Variants in CTNNA2 observed in about 807,000 individuals in gnomAD.
CTNNA2 encodes the protein catenin alpha 2, also known as catenin alpha-2.
A neutral mutation model predicts 101.0 loss-of-function variants in CTNNA2; 42 were observed. The ratio of observed to expected loss-of-function variants is 0.42; its 90% CI spans 0.32 to 0.54. The LOEUF (loss-of-function observed/expected upper bound fraction) is 0.54. Among genes scored for constraint, CTNNA2 ranks in the 20% least tolerant of loss-of-function variants. The pLI is 0.14. For missense variants in CTNNA2, 871 were observed against 1,223.1 expected, an observed-to-expected ratio of 0.71 and a Z score of 4.29; for synonymous variants, 450 against 456.4, an observed-to-expected ratio of 0.99 and a Z score of 0.18.
chr2:79,977,426 C>T (rs553404341), intron 7 of CTNNA2, among the ~76,000 whole-genome samples: 16 of 152,200 alleles, frequency 1.1e-4, no homozygotes, highest in African/African-American at 3.9e-4. Context: ...GCTAAACACC[C>T]TGTAGTGTAC....
intron 7 of CTNNA2, among the ~76,000 whole-genome samples, chr2:80,132,680 A>G (rs1471245317): frequency 6.6e-6 from 1 of 152,218 alleles, no homozygotes; most frequent in Admixed American, 6.5e-5. Context: ...AAATGCAGGC[A>G]TTGATGTGAG....
intron 18 of CTNNA2, among the ~76,000 whole-genome samples, chr2:80,633,661 G>A (rs1322828434): frequency 1.3e-5 from 2 of 152,066 alleles, no homozygotes. Context: ...CCTTCAAGTA[G>A]ACCAAAAAAA....
Position 80,149,888 on chromosome 2 carries a change from C to A in CTNNA2, c.1056+240091C>A, listed in dbSNP as rs1573229236. ...AATGTTTAGTTACAATTTTAAGCCA[C>A]ATTCAAGATCTTGTTTAAACACAAA... On this transcript the variant is annotated intron_variant, in intron 7 of 18. Transcript: ENST00000402739. 2.0e-5 allele frequency among the ~76,000 whole-genome samples: 3 copies of A among 152,154 alleles called. No homozygotes were observed. In the South Asian group the frequency reaches 6.2e-4, roughly 32 times the overall value.
At chr2:79,800,030 G>A (rs577592081) in intron 3 of CTNNA2, among the ~76,000 whole-genome samples, 1 of 152,106 alleles carries the variant, frequency 6.6e-6, no homozygotes, top group Non-Finnish European at 1.5e-5. Flanking sequence ...CATTGCATAA[G>A]ATTTTTTTCC....
intron 4 of CTNNA2, among the ~76,000 whole-genome samples, chr2:79,496,238 A>G (rs1164374758): frequency 6.6e-6 from 1 of 152,042 alleles, no homozygotes; most frequent in Non-Finnish European, 1.5e-5. Context: ...AAGCTTTAGA[A>G]TTTTTTTCTT....
At chr2:79,195,064 T>G (rs1421116018) in intron 1 of CTNNA2, among the ~76,000 whole-genome samples, 1 of 152,100 alleles carries the variant, frequency 6.6e-6, no homozygotes, top group African/African-American at 2.4e-5. Flanking sequence ...AGTATTCAGG[T>G]GCTTTCTTTG....
chr2:79,450,853 A>C (rs567700196), intron 4 of CTNNA2, among the ~76,000 whole-genome samples: 17 of 152,252 alleles, frequency 1.1e-4, no homozygotes, highest in African/African-American at 3.8e-4. Flanking sequence ...AAACAAGATA[A>C]TTATTATCCA....
chr2:80,341,216 C>A (rs1672208366), intron 7 of CTNNA2, among the ~76,000 whole-genome samples: 1 of 152,064 alleles, frequency 6.6e-6, no homozygotes. Flanking sequence ...ATTGGCCACC[C>A]AAGCTCCAGC....
At chr2:79,459,828 T>C (rs1315571908) in intron 4 of CTNNA2, among the ~76,000 whole-genome samples, 1 of 152,198 alleles carries the variant, frequency 6.6e-6, no homozygotes, top group African/African-American at 2.4e-5. Flanking sequence ...CTTGGTTCTT[T>C]GCAAATAATT....
chr2:79,804,926 C>A (rs1418368722), intron 3 of CTNNA2, among the ~76,000 whole-genome samples: 1 of 151,998 alleles, frequency 6.6e-6, no homozygotes, highest in African/African-American at 2.4e-5. Flanking sequence ...GGGAAATTGC[C>A]CCTGTGAAGA....
intron 7 of CTNNA2, among the ~76,000 whole-genome samples, chr2:80,335,591 G>T (rs146107308): frequency 2.6e-5 from 4 of 152,114 alleles, no homozygotes; most frequent in Admixed American, 2.0e-4. Context: ...GTCTGGGAGA[G>T]GTTATTCCTG....
At chr2:79,688,219 G>A (rs769777207) in intron 2 of CTNNA2, among the ~76,000 whole-genome samples, 5 of 152,136 alleles carry the variant, frequency 3.3e-5, no homozygotes, top group Admixed American at 2.0e-4. Context: ...TGTATTTCAA[G>A]AAATGTGGGC....
rs1470491483 is a variant in CTNNA2, at chr2:79,855,391, C to G, written c.299-2622C>G. On this transcript the variant is annotated intron_variant, in intron 3 of 18. Transcript: ENST00000402739. ...GTGCTGACCAGATGGTTGGCATCTG[C>G]ATGAAATGCCAGTACACTTCTGCCA... Among the ~76,000 whole-genome samples, 3 of 152,162 alleles carry G rather than the reference C, an allele frequency of 2.0e-5. No individual in the cohort carries two copies. The East Asian group carries it at 5.8e-4, about 29-fold the overall frequency.
At chr2:80,047,980 T>G (rs1419718851) in intron 7 of CTNNA2, among the ~76,000 whole-genome samples, 2 of 152,200 alleles carry the variant, frequency 1.3e-5, no homozygotes, top group Admixed American at 6.5e-5. Flanking sequence ...GTTTGTGTGT[T>G]TTATTGCCCC....
intron 5 of CTNNA2, among the ~76,000 whole-genome samples, chr2:79,507,135 C>G (rs147329616): frequency 6.6e-6 from 1 of 152,240 alleles, no homozygotes; most frequent in African/African-American, 2.4e-5. Context: ...AAGAAAAACA[C>G]ATTGAGTCTC....
chr2:79,929,529 T>C (rs898305936), intron 7 of CTNNA2, among the ~76,000 whole-genome samples: 1 of 152,162 alleles, frequency 6.6e-6, no homozygotes, highest in Non-Finnish European at 1.5e-5. Flanking sequence ...TCTCACTGGA[T>C]TGTGTGTTGT....
chr2:79,816,473 TG>T (rs1677509389), intron 3 of CTNNA2, among the ~76,000 whole-genome samples: 1 of 152,166 alleles, frequency 6.6e-6, no homozygotes, highest in Non-Finnish European at 1.5e-5. Context: ...GACATAATGC[TG>T]GACTCACCAA....
At chr2:80,028,114 A>G (rs1046572083) in intron 7 of CTNNA2, 4 of 152,178 alleles carry the variant, frequency 2.6e-5, no homozygotes, top group African/African-American at 7.2e-5. Context: ...TATTTACTGA[A>G]AAGCCTAGAC....
chr2:79,704,161 A>C (rs1467636039), intron 2 of CTNNA2, among the ~76,000 whole-genome samples: 4 of 152,196 alleles, frequency 2.6e-5, no homozygotes, highest in Non-Finnish European at 4.4e-5. Context: ...TAATTTCATA[A>C]ACATAAATTT....
Sources: allele counts gnomAD v4.1 joint callset (sites outside exome capture counted in the v4.1 genomes callset), GRCh38; gene constraint gnomAD v4.1.1; transcripts MANE v1.5; gene names NCBI Gene and HGNC (gene_info 2026-07-23, HGNC 2026-07-21).